The following TDRD1 variants were observed in gnomAD, a reference collection of about 807,000 sequenced individuals.
TDRD1 encodes tudor domain-containing protein 1.
In TDRD1, 37 loss-of-function variants were observed where a neutral mutation model predicts 140.6. That is an observed-to-expected ratio of 0.26 (90% CI 0.20 to 0.35). TDRD1 has a LOEUF of 0.35. Among genes scored for constraint, TDRD1 ranks in the 10% least tolerant of loss-of-function variants. The pLI is 1.00. For synonymous variants in TDRD1, 506 were observed against 475.7 expected, an observed-to-expected ratio of 1.06 and a Z score of -0.83; for missense variants, 1,243 against 1,393.0, an observed-to-expected ratio of 0.89 and a Z score of 1.71.
exon 6 of TDRD1, chr10:114,202,260 T>C (rs1327101609): frequency 6.2e-7 from 1 of 1,603,216 alleles, no homozygotes; most frequent in East Asian, 2.2e-5. Flanking sequence ...TGAAAATAAA[T>C]CATCTATTGA....
intron 1 of TDRD1, among the ~76,000 whole-genome samples, chr10:114,187,594 G>A (rs866428339): frequency 1.3e-5 from 2 of 152,142 alleles, no homozygotes; most frequent in Admixed American, 1.3e-4. Flanking sequence ...TGAGATTTTT[G>A]ATTTTTCATG....
intron 1 of TDRD1, among the ~76,000 whole-genome samples, chr10:114,181,082 A>G (rs1322571851): frequency 6.6e-6 from 1 of 152,206 alleles, no homozygotes. Context: ...AAAGAAATCC[A>G]GAAAGCTGAG....
chr10:114,218,972 G>A (rs1422037274), intron 18 of TDRD1, among the ~76,000 whole-genome samples: 2 of 152,270 alleles, frequency 1.3e-5, no homozygotes, highest in Non-Finnish European at 1.5e-5. Context: ...AACATAAATA[G>A]TCAATAATAG....
intron 13 of TDRD1, among the ~76,000 whole-genome samples, chr10:114,211,332 A>C (rs1679715022): frequency 6.6e-6 from 1 of 152,196 alleles, no homozygotes; most frequent in Non-Finnish European, 1.5e-5. Flanking sequence ...TGAAATAGCA[A>C]GAGGGCCTGG....
intron 19 of TDRD1, 42 bp from the exon 20 acceptor site, chr10:114,221,315 T>A: frequency 1.3e-6 from 2 of 1,592,370 alleles, no homozygotes; most frequent in African/African-American, 2.7e-5. Context: ...AACAGTACAT[T>A]TTTTTTATTC....
chr10:114,203,376 T>C lies in TDRD1; in HGVS notation c.802-12T>C. ...CTTATGAATTATTCCTCTTTTTTTT[T>C]ATCTTTGAAAGGGTACGGTTACCGA... On this transcript the variant is annotated splice_polypyrimidine_tract_variant and intron_variant, in intron 7 of 25. Coordinates refer to ENST00000251864, the Ensembl canonical transcript of TDRD1. 1 of 1,553,316 alleles carries C rather than the reference T, an allele frequency of 6.4e-7. No individual in the cohort carries two copies. Among genetic ancestry groups the C allele is most frequent in the Admixed American group, 2.1e-5 (1 of 47,140 alleles).
chr10:114,179,047 GGTGACCCAA>G (rs1478384618), upstream of TDRD1, among the ~76,000 whole-genome samples: 1 of 152,180 alleles, frequency 6.6e-6, no homozygotes, highest in Non-Finnish European at 1.5e-5. Context: ...AAGTGGCCAC[GGTGACCCAA>G]GTGACCTTCG....
intron 11 of TDRD1, among the ~76,000 whole-genome samples, chr10:114,209,900 C>T (rs1249973557): frequency 1.3e-5 from 2 of 152,130 alleles, no homozygotes; most frequent in African/African-American, 4.8e-5. Context: ...TTTTTGTTTT[C>T]CAGGATTCTG....
chr10:114,204,102 T>G, exon 9 of TDRD1: 1 of 1,606,994 alleles, frequency 6.2e-7, no homozygotes, highest in Non-Finnish European at 8.5e-7. Flanking sequence ...TACAAAACGT[T>G]GATGTGCAGC....
At chr10:114,229,547 C>CT (rs34051507) in intron 25 of TDRD1, among the ~76,000 whole-genome samples, 29,594 of 126,202 alleles carry the variant, frequency 0.23, 3,903 homozygotes, top group Non-Finnish European at 0.26. Flanking sequence ...ATCTTTTAAT[C>CT]TTTTTTTTTT....
downstream of TDRD1, among the ~76,000 whole-genome samples, chr10:114,232,531 C>CTTTTTTTTTTTT (rs1470123257): frequency 3.7e-4 from 19 of 51,416 alleles, no homozygotes; most frequent in African/African-American, 1.4e-3. Context: ...TTTTTTTTTG[C>CTTTTTTTTTTTT]TTTTACTGGC....
chr10:114,208,690 T>C (rs187410796), intron 11 of TDRD1, among the ~76,000 whole-genome samples: 2 of 152,334 alleles, frequency 1.3e-5, no homozygotes, highest in Admixed American at 1.3e-4. Context: ...AGGCAAAGAC[T>C]GTGGCCTTTT....
At chr10:114,207,969 T>TG (rs770468846) in intron 11 of TDRD1, among the ~76,000 whole-genome samples, 1 of 151,744 alleles carries the variant, frequency 6.6e-6, no homozygotes, top group Non-Finnish European at 1.5e-5. Flanking sequence ...CGGAAGCAGG[T>TG]GGGAGGGTAC....
At chr10:114,196,833 C>CTTTT (rs36124319) in intron 3 of TDRD1, among the ~76,000 whole-genome samples, 1,334 of 48,354 alleles carry the variant, frequency 0.028, 417 homozygotes, top group African/African-American at 0.093. Flanking sequence ...TTCTAGCAGT[C>CTTTT]TTTTTTTTTT....
chr10:114,224,441 C>A (rs1238976613), intron 21 of TDRD1, among the ~76,000 whole-genome samples: 1 of 152,176 alleles, frequency 6.6e-6, no homozygotes, highest in Non-Finnish European at 1.5e-5. Flanking sequence ...GGGCCCCTTA[C>A]ATCTAGAAAT....
At chr10:114,214,804 G>A (rs2035709137) in intron 16 of TDRD1, among the ~76,000 whole-genome samples, 1 of 150,754 alleles carries the variant, frequency 6.6e-6, no homozygotes, top group Non-Finnish European at 1.5e-5. Flanking sequence ...GTGGCACAGT[G>A]TAGGCTCACT....
upstream of TDRD1, among the ~76,000 whole-genome samples, chr10:114,178,865 A>G (rs2032792439): frequency 7.7e-6 from 1 of 130,394 alleles, no homozygotes; most frequent in Non-Finnish European, 1.6e-5. Context: ...AAAGTTCCAT[A>G]GCAAAAAAAA....
chr10:114,206,611 G>GT (rs33936742), intron 11 of TDRD1, among the ~76,000 whole-genome samples: 3,029 of 105,966 alleles, frequency 0.029, 101 homozygotes, highest in Admixed American at 0.11. Context: ...GTTAGGGTTT[G>GT]TTTTTTTTTT....
At chr10:114,207,265 A>G (rs1400795936) in intron 11 of TDRD1, among the ~76,000 whole-genome samples, 2 of 152,232 alleles carry the variant, frequency 1.3e-5, no homozygotes, top group African/African-American at 4.8e-5. Context: ...GGTTGGACAC[A>G]TCCTATCACA....
Sources: allele counts gnomAD v4.1 joint callset (sites outside exome capture counted in the v4.1 genomes callset), GRCh38; gene constraint gnomAD v4.1.1; transcripts MANE v1.5; gene names NCBI Gene and HGNC (gene_info 2026-07-23, HGNC 2026-07-21).